LSAMP: variants seen among roughly 807,000 people sequenced by gnomAD.
LSAMP encodes the protein limbic system-associated membrane protein.
In LSAMP, 7 loss-of-function variants were observed where a neutral mutation model predicts 38.6. The observed-to-expected ratio is 0.18, with a 90% confidence interval of 0.10 to 0.34. The LOEUF (loss-of-function observed/expected upper bound fraction) is 0.34. Ranked by LOEUF, LSAMP falls within the 10% of genes least tolerant of loss-of-function variation. The probability of loss-of-function intolerance (pLI) is 1.00; values close to 1 mark genes in which losing one functional copy is unlikely to be tolerated. For missense variants in LSAMP, 313 were observed against 420.0 expected, an observed-to-expected ratio of 0.75 and a Z score of 2.23; for synonymous variants, 154 against 166.8, an observed-to-expected ratio of 0.92 and a Z score of 0.59.
intron 3 of LSAMP, among the ~76,000 whole-genome samples, chr3:115,863,284 AG>A (rs1173693178): frequency 2.0e-5 from 3 of 152,188 alleles, no homozygotes; most frequent in African/African-American, 7.2e-5. Flanking sequence ...TCTTACCCTG[AG>A]GGGTGGACCT....
rs192959984 is a variant in LSAMP at position 115,894,136 on chromosome 3, A to C, written c.515-41519T>G. ...CTCTTTATTCCATCAACCATACTGC[A>C]AGAATTTAGACCATCTGTCTTCTAG... On this transcript the variant is annotated intron_variant, in intron 3 of 6. Coordinates refer to ENST00000490035, the MANE Select transcript of LSAMP (RefSeq NM_002338.5). Among the ~76,000 whole-genome samples, 9 of 152,176 alleles carry C rather than the reference A, an allele frequency of 5.9e-5. No individual in the cohort carries two copies. The East Asian group carries it at 1.5e-3, about 26-fold the overall frequency.
At chr3:116,327,918 G>A (rs1291852310) in intron 1 of LSAMP, among the ~76,000 whole-genome samples, 2 of 152,048 alleles carry the variant, frequency 1.3e-5, no homozygotes, top group African/African-American at 2.4e-5. Context: ...TATTACAAAC[G>A]GTCAGGACTC....
intron 1 of LSAMP, among the ~76,000 whole-genome samples, chr3:116,420,800 C>A (rs1275821993): frequency 6.6e-6 from 1 of 151,966 alleles, no homozygotes; most frequent in African/African-American, 2.4e-5. Flanking sequence ...TCACTTGAAC[C>A]CGGGAGGCAG....
chr3:116,115,645 A>G (rs1403071966), intron 1 of LSAMP, among the ~76,000 whole-genome samples: 2 of 152,160 alleles, frequency 1.3e-5, no homozygotes, highest in African/African-American at 4.8e-5. Context: ...TTTTGTATCT[A>G]TCAATTAAAA....
At chr3:115,827,120 T>A (rs1260694962) in intron 6 of LSAMP, among the ~76,000 whole-genome samples, 2 of 152,158 alleles carry the variant, frequency 1.3e-5, no homozygotes, top group Non-Finnish European at 2.9e-5. Flanking sequence ...TTTCATTTTG[T>A]TTGCTTTGTT....
intron 6 of LSAMP, among the ~76,000 whole-genome samples, chr3:115,834,194 A>T (rs1934708899): frequency 6.6e-6 from 1 of 152,126 alleles, no homozygotes. Flanking sequence ...TCCAACTGTG[A>T]GGGTAGTCAG....
At chr3:115,900,409 G>A (rs544140462) in intron 3 of LSAMP, among the ~76,000 whole-genome samples, 2 of 151,564 alleles carry the variant, frequency 1.3e-5, no homozygotes, top group African/African-American at 2.4e-5. Context: ...CTAGCTACTT[G>A]GGGGGCTGAG....
rs376234657 is a variant in LSAMP, at chr3:115,915,779, C to T, written c.515-63162G>A. On this transcript the variant is annotated intron_variant, in intron 3 of 6. Coordinates refer to ENST00000490035, the MANE Select transcript of LSAMP (RefSeq NM_002338.5). ...TCCCAAGTAGCTGGGACTATAGGCA[C>T]GCACCACCACGCCCGGCTAATTTTT... 1.1e-3 allele frequency among the ~76,000 whole-genome samples: 174 copies of T among 152,118 alleles called. 1 individual carries two copies. Among genetic ancestry groups the T allele is most frequent in the African/African-American group, 3.8e-3 (156 of 41,512 alleles).
chr3:116,210,005 C>T (rs532901844), intron 1 of LSAMP, among the ~76,000 whole-genome samples: 16 of 152,230 alleles, frequency 1.1e-4, no homozygotes, highest in East Asian at 3.9e-4. Flanking sequence ...CCGCCCACCT[C>T]GGCCTCGCAA....
intron 1 of LSAMP, among the ~76,000 whole-genome samples, chr3:116,373,463 G>C (rs1041401633): frequency 6.6e-6 from 1 of 151,548 alleles, no homozygotes; most frequent in Admixed American, 6.6e-5. Context: ...TGGGTATAGG[G>C]CTTAGTTTTA....
rs143674326 is a variant in LSAMP at position 115,992,695 on chromosome 3, GATACAGTTC to G, written c.514+26811_514+26819del. 7.4e-3 allele frequency among the ~76,000 whole-genome samples: 1,125 copies of G among 151,980 alleles called. 9 individuals are homozygous for G. Among genetic ancestry groups the G allele is most frequent in the African/African-American group, 0.024 (993 of 41,442 alleles). On this transcript the variant is annotated intron_variant, in intron 3 of 6. Coordinates refer to ENST00000490035, the MANE Select transcript of LSAMP (RefSeq NM_002338.5). ...TTGTAGAAGACTATCAGATAATGTC[GATACAGTTC>G]ATAAAGATGACTAAAGGGTAATAAT...
chr3:116,244,762 G>T (rs188569665), intron 1 of LSAMP, among the ~76,000 whole-genome samples: 5 of 152,234 alleles, frequency 3.3e-5, no homozygotes, highest in Admixed American at 6.5e-5. Flanking sequence ...ACACATAGTA[G>T]GTGTTTAATA....
At chr3:115,849,195 A>AT (rs1935252724) in intron 4 of LSAMP, among the ~76,000 whole-genome samples, 2 of 152,240 alleles carry the variant, frequency 1.3e-5, no homozygotes, top group Admixed American at 6.5e-5. Context: ...TTGAGCCAAT[A>AT]TTTTAGCTTT....
At chr3:116,318,672 C>A (rs1027019164) in intron 1 of LSAMP, among the ~76,000 whole-genome samples, 86 of 152,114 alleles carry the variant, frequency 5.7e-4, no homozygotes, top group African/African-American at 2.1e-3. Context: ...CTAATTAACA[C>A]CAATACCCAC....
At chr3:116,412,777 A>G (rs1185050305) in intron 1 of LSAMP, among the ~76,000 whole-genome samples, 2 of 152,120 alleles carry the variant, frequency 1.3e-5, no homozygotes, top group Non-Finnish European at 2.9e-5. Context: ...ATAAACCTAA[A>G]CATCAAAAAG....
chr3:116,267,428 CT>C (rs1294825614), intron 1 of LSAMP, among the ~76,000 whole-genome samples: 8 of 152,094 alleles, frequency 5.3e-5, no homozygotes, highest in Non-Finnish European at 1.2e-4. Flanking sequence ...TGTTGTACTT[CT>C]GCTGGTGCTG....
chr3:115,938,832 A>G (rs1037794492), intron 3 of LSAMP, among the ~76,000 whole-genome samples: 3 of 152,188 alleles, frequency 2.0e-5, no homozygotes, highest in Non-Finnish European at 4.4e-5. Context: ...ACTGAAGTGC[A>G]TTTTTTGTTT....
At chr3:116,310,619 G>C (rs2047544806) in intron 1 of LSAMP, among the ~76,000 whole-genome samples, 1 of 152,062 alleles carries the variant, frequency 6.6e-6, no homozygotes, top group Admixed American at 6.6e-5. Context: ...TTCCAGAGCT[G>C]GCCTTTGAAG....
chr3:116,434,743 G>T (rs1032680183), intron 1 of LSAMP, among the ~76,000 whole-genome samples: 1 of 152,088 alleles, frequency 6.6e-6, no homozygotes, highest in Admixed American at 6.6e-5. Flanking sequence ...GTAGAGACAG[G>T]GTGCCACCAC....
Sources: gnomAD v4.1 joint callset for allele counts (sites outside exome capture counted in the v4.1 genomes callset) on GRCh38, gnomAD v4.1.1 for gene constraint, MANE v1.5 for transcripts, NCBI Gene and HGNC (gene_info 2026-07-23, HGNC 2026-07-21) for gene names.